RIMBP2: variants seen among roughly 807,000 people sequenced by gnomAD.
RIMBP2 encodes the protein RIMS-binding protein 2.
A neutral mutation model predicts 118.6 loss-of-function variants in RIMBP2; 48 were observed. That is an observed-to-expected ratio of 0.40 (90% CI 0.32 to 0.51). The LOEUF (loss-of-function observed/expected upper bound fraction) is 0.51, where lower values mean the gene tolerates loss of function less well. Ranked by LOEUF, RIMBP2 falls within the 20% of genes least tolerant of loss-of-function variation. RIMBP2 has a pLI of 0.41. For missense variants in RIMBP2, 1,551 were observed against 1,768.3 expected, an observed-to-expected ratio of 0.88 and a Z score of 2.20; for synonymous variants, 762 against 742.9, an observed-to-expected ratio of 1.03 and a Z score of -0.42.
chr12:130,531,839 G>A (rs184536378), intron 2 of RIMBP2, among the ~76,000 whole-genome samples: 57 of 150,972 alleles, frequency 3.8e-4, no homozygotes, highest in Admixed American at 1.4e-3. Context: ...TAGGAGTTAC[G>A]TCTAATGAGA....
intron 21 of RIMBP2, among the ~76,000 whole-genome samples, chr12:130,402,089 C>T (rs141874606): frequency 6.6e-6 from 1 of 152,226 alleles, no homozygotes; most frequent in Non-Finnish European, 1.5e-5. Context: ...AAATCCACGT[C>T]AGAACGCACA....
At chr12:130,503,232 CAA>C (rs199605333) in intron 4 of RIMBP2, among the ~76,000 whole-genome samples, 1 of 145,562 alleles carries the variant, frequency 6.9e-6, no homozygotes, top group Non-Finnish European at 1.5e-5. Flanking sequence ...ACTAAAAATA[CAA>C]AAAAAAAAAA....
In RIMBP2 at chr12:130,434,298, GT is replaced by G. The variant is rs1566024550; in HGVS notation, c.2253+435del. Among the ~76,000 whole-genome samples, 1 of 152,160 alleles carries G rather than the reference GT, an allele frequency of 6.6e-6. No homozygotes were observed. The highest frequency in any genetic ancestry group is 2.4e-5 in the African/African-American group (1 of 41,426). On this transcript the variant is annotated intron_variant, in intron 14 of 22. Transcript: ENST00000690449. The surrounding 1 kb of genome is among the most constrained non-coding windows in gnomAD (Gnocchi z 5.7). The stretch of plus-strand genomic sequence containing the variant: ...TCTTCCTCATGAGCCCAGCTCTGCC[GT>G]TTTGCTGTTCTGAAGGACGAACACT...
At chr12:130,554,311 G>A (rs954382275) in intron 2 of RIMBP2, among the ~76,000 whole-genome samples, 6 of 152,070 alleles carry the variant, frequency 3.9e-5, no homozygotes, top group Non-Finnish European at 8.8e-5. Context: ...TCAGTTCAAC[G>A]TTTGCTAAAG....
At chr12:130,516,355 G>A (rs555772675) in intron 3 of RIMBP2, among the ~76,000 whole-genome samples, 4 of 152,202 alleles carry the variant, frequency 2.6e-5, no homozygotes, top group Non-Finnish European at 4.4e-5. Flanking sequence ...CTGAGCACCC[G>A]CTATGCATCC....
At chr12:130,569,951 T>A (rs908242788) in intron 2 of RIMBP2, among the ~76,000 whole-genome samples, 5 of 152,162 alleles carry the variant, frequency 3.3e-5, no homozygotes, top group African/African-American at 9.7e-5. Flanking sequence ...AATGAACTCA[T>A]TGGAAACCTA....
intron 1 of RIMBP2, among the ~76,000 whole-genome samples, chr12:130,641,482 T>C (rs2062620333): frequency 6.6e-6 from 1 of 150,822 alleles, no homozygotes; most frequent in Non-Finnish European, 1.5e-5. Context: ...GGATTTAGGA[T>C]GGTGACTGCC....
chr12:130,523,927 G>A lies in RIMBP2; in HGVS notation c.-216-6010C>T, dbSNP rs748261995. Among the ~76,000 whole-genome samples the A allele has an allele frequency of 6.6e-5, 10 of 152,146 alleles. No homozygotes were observed. Among genetic ancestry groups the A allele is most frequent in the Non-Finnish European group, 1.2e-4 (8 of 68,028 alleles). ...CACCCAGCACAAATACATAACAAAG[G>A]CATGTAAGGGCACAGCAAGGTCTCT... On this transcript the variant is annotated intron_variant, in intron 2 of 22. Transcript: ENST00000690449. This position sits in a 1 kb window ranked among gnomAD's most constrained non-coding sequence, Gnocchi z 4.4.
intron 4 of RIMBP2, among the ~76,000 whole-genome samples, chr12:130,489,120 T>C (rs1217072084): frequency 1.6e-4 from 24 of 152,214 alleles, no homozygotes; most frequent in Non-Finnish European, 2.9e-5. Context: ...AACTAAACAA[T>C]TAAATTCTTT....
chr12:130,589,888 C>T (rs1450469293), intron 2 of RIMBP2, among the ~76,000 whole-genome samples: 2 of 152,224 alleles, frequency 1.3e-5, no homozygotes, highest in Non-Finnish European at 2.9e-5. Flanking sequence ...TTTTTTTAAA[C>T]TCCCAAAGCC....
At chr12:130,547,848 T>C (rs947138919) in intron 2 of RIMBP2, among the ~76,000 whole-genome samples, 2 of 152,228 alleles carry the variant, frequency 1.3e-5, no homozygotes, top group African/African-American at 2.4e-5. Flanking sequence ...AGAAACTTAT[T>C]ATATTTAAGA....
chr12:130,585,308 G>A (rs187618160), intron 2 of RIMBP2, among the ~76,000 whole-genome samples: 2 of 152,280 alleles, frequency 1.3e-5, no homozygotes, highest in Admixed American at 6.5e-5. Flanking sequence ...CGGGGCGATG[G>A]GGAGATGCCT....
chr12:130,419,978 A>C lies in RIMBP2; in HGVS notation c.3238+2475T>G, dbSNP rs2076315645. ...TTATATTATTTTTCATTGTAGGTCC[A>C]CTGCTTATTAAAAATAGGAAGTGTA... On this transcript the variant is annotated intron_variant, in intron 17 of 22. Coordinates refer to ENST00000690449, the MANE Select transcript of RIMBP2 (RefSeq NM_001393629.1). The surrounding 1 kb of genome is among the most constrained non-coding windows in gnomAD (Gnocchi z 4.3). Among the ~76,000 whole-genome samples, 1 of 152,248 alleles carries C rather than the reference A, an allele frequency of 6.6e-6. No homozygotes were observed. Among genetic ancestry groups the C allele is most frequent in the African/African-American group, 2.4e-5 (1 of 41,460 alleles).
At chr12:130,631,993 A>T (rs2062020348) in intron 1 of RIMBP2, among the ~76,000 whole-genome samples, 1 of 152,254 alleles carries the variant, frequency 6.6e-6, no homozygotes, top group South Asian at 2.1e-4. Flanking sequence ...TGATATGCCC[A>T]TGTCTTTTCT....
rs146100573 is a variant in RIMBP2, at chr12:130,459,425, G to A, written c.154-2725C>T. ...CAGAGACACCACCACCGGGAAGCAG[G>A]AAGAGGGGCCACGGGAACTCCCCCT... On this transcript the variant is annotated intron_variant, in intron 6 of 22. Transcript: ENST00000690449. Among the ~76,000 whole-genome samples the A allele has an allele frequency of 7.2e-3, 1,096 of 152,254 alleles. 18 individuals are homozygous for A. The highest frequency in any genetic ancestry group is 0.026 in the African/African-American group (1,064 of 41,534).
Position 130,422,248 on chromosome 12 carries a change from G to A in RIMBP2, c.3238+205C>T, listed in dbSNP as rs1053406209. 1.3e-5 allele frequency among the ~76,000 whole-genome samples: 2 copies of A among 152,218 alleles called. No individual in the cohort carries two copies. The highest frequency in any genetic ancestry group is 2.4e-5 in the African/African-American group (1 of 41,444). ...AAAAATCAGCTGGGAGAACATGGAT[G>A]TAGAAGGCCAATTTGATATTTCAAG... On this transcript the variant is annotated intron_variant, in intron 17 of 22. Coordinates refer to ENST00000690449, the MANE Select transcript of RIMBP2 (RefSeq NM_001393629.1). The surrounding 1 kb of genome is among the most constrained non-coding windows in gnomAD (Gnocchi z 5.2).
Position 130,622,419 on chromosome 12 carries a change from A to C in RIMBP2, c.-217+5903T>G, listed in dbSNP as rs2061374696. 6.8e-6 allele frequency among the ~76,000 whole-genome samples: 1 copy of C among 147,622 alleles called. No homozygotes were observed. Among genetic ancestry groups the C allele is most frequent in the Non-Finnish European group, 1.5e-5 (1 of 65,432 alleles). On this transcript the variant is annotated intron_variant, in intron 2 of 22. Transcript: ENST00000690449. This position sits in a 1 kb window ranked among gnomAD's most constrained non-coding sequence, Gnocchi z 8.5. ...ACACAAAACTGTTGGTTAATTCACT[A>C]GTTATTTTGTACATAAATTCACTAT...
chr12:130,591,219 C>T (rs1261023856), intron 2 of RIMBP2, among the ~76,000 whole-genome samples: 1 of 152,234 alleles, frequency 6.6e-6, no homozygotes, highest in Non-Finnish European at 1.5e-5. Context: ...ATGGACCCAG[C>T]ACATGGCTGG....
rs566629995 is a variant in RIMBP2, at chr12:130,437,727, T to TG, written c.1657-437dup. On this transcript the variant is annotated intron_variant, in intron 12 of 22. Transcript: ENST00000690449. ...CCTCTGCAGGGGCCAGGGCCCATGCTGGGGACTTCCCGCCTCAGAGCACAG... is the reference window on the plus strand; with the variant it reads ...CCTCTGCAGGGGCCAGGGCCCATGCTGGGGGACTTCCCGCCTCAGAGCACAG... Among the ~76,000 whole-genome samples, 712 of 152,284 alleles carry TG rather than the reference T, an allele frequency of 4.7e-3. 1 individual carries two copies. Among genetic ancestry groups the TG allele is most frequent in the Non-Finnish European group, 8.1e-3 (548 of 68,002 alleles).
Sources: gnomAD v4.1 joint callset for allele counts (sites outside exome capture counted in the v4.1 genomes callset) on GRCh38, gnomAD v4.1.1 for gene constraint, Gnocchi (gnomAD v3.1) non-coding constraint, MANE v1.5 for transcripts, NCBI Gene and HGNC (gene_info 2026-07-23, HGNC 2026-07-21) for gene names.